Variants in ADCY2 observed in about 807,000 individuals in gnomAD.
ADCY2 encodes the protein adenylate cyclase type 2.
In ADCY2, 31 loss-of-function variants were observed where a neutral mutation model predicts 125.2. The observed-to-expected ratio is 0.25, with a 90% CI of 0.19 to 0.33. ADCY2 has a LOEUF of 0.33. ADCY2 is among the 10% of genes least tolerant of loss of function. The probability of loss-of-function intolerance (pLI) is 1.00; values close to 1 mark genes in which losing one functional copy is unlikely to be tolerated. For synonymous variants in ADCY2, 512 were observed against 548.4 expected, an observed-to-expected ratio of 0.93 and a Z score of 0.93; for missense variants, 904 against 1,418.2, an observed-to-expected ratio of 0.64 and a Z score of 5.82.
intron 4 of ADCY2, among the ~76,000 whole-genome samples, chr5:7,646,832 G>A (rs1738914159): frequency 1.3e-5 from 2 of 152,138 alleles, no homozygotes; most frequent in South Asian, 4.2e-4. Flanking sequence ...CACCAGCAAG[G>A]CATAGGGTGG....
At chr5:7,792,843 T>G (rs1391773948) in intron 20 of ADCY2, among the ~76,000 whole-genome samples, 1 of 152,238 alleles carries the variant, frequency 6.6e-6, no homozygotes, top group Non-Finnish European at 1.5e-5. Context: ...AGAAGCATGG[T>G]GCCTTGCCTT....
chr5:7,567,554 A>T (rs556502338), intron 3 of ADCY2, among the ~76,000 whole-genome samples: 1 of 152,254 alleles, frequency 6.6e-6, no homozygotes, highest in East Asian at 1.9e-4. Context: ...TGTGAAGTAT[A>T]AATTTTTTCT....
chr5:7,780,949 C>T (rs892784559), intron 18 of ADCY2, among the ~76,000 whole-genome samples: 12 of 152,194 alleles, frequency 7.9e-5, no homozygotes, highest in African/African-American at 2.4e-4. Context: ...GGAGGGCCAA[C>T]GGCAGACGCC....
chr5:7,728,154 A>T (rs1473217735), intron 14 of ADCY2, among the ~76,000 whole-genome samples: 1 of 152,022 alleles, frequency 6.6e-6, no homozygotes, highest in Non-Finnish European at 1.5e-5. Context: ...TTTAACTCTC[A>T]TGGTGCAGCC....
intron 22 of ADCY2, among the ~76,000 whole-genome samples, chr5:7,812,932 G>C (rs1744991071): frequency 6.6e-6 from 1 of 152,106 alleles, no homozygotes; most frequent in African/African-American, 2.4e-5. Context: ...AAGAAAGGTA[G>C]GGCGTTATTG....
At chr5:7,757,889 C>T (rs1257680066) in intron 16 of ADCY2, among the ~76,000 whole-genome samples, 1 of 152,204 alleles carries the variant, frequency 6.6e-6, no homozygotes, top group Non-Finnish European at 1.5e-5. Context: ...GGGGTGCTTT[C>T]ACAGAGCCAC....
intron 2 of ADCY2, among the ~76,000 whole-genome samples, chr5:7,423,037 A>G (rs570668613): frequency 2.3e-4 from 35 of 152,342 alleles, no homozygotes; most frequent in Non-Finnish European, 2.9e-4. Context: ...GTGTGCCAGG[A>G]TGATTTTTCA....
intron 2 of ADCY2, among the ~76,000 whole-genome samples, chr5:7,426,694 C>T (rs1030583891): frequency 5.9e-5 from 9 of 152,130 alleles, no homozygotes; most frequent in Non-Finnish European, 1.3e-4. Context: ...AGCTTCAGCA[C>T]CATAAGCATG....
At chr5:7,628,520 C>T (rs936095824) in intron 4 of ADCY2, among the ~76,000 whole-genome samples, 9 of 152,064 alleles carry the variant, frequency 5.9e-5, no homozygotes, top group African/African-American at 1.7e-4. Flanking sequence ...TCATGGGAGA[C>T]ATTAGAAAGA....
chr5:7,499,685 ATATATATGTG>A (rs1347403895), intron 2 of ADCY2, among the ~76,000 whole-genome samples: 11 of 135,028 alleles, frequency 8.1e-5, no homozygotes, highest in African/African-American at 3.4e-4. Context: ...ATATATATGT[ATATATATGTG>A]TATATATATG....
chr5:7,597,457 G>C (rs1181345321), intron 3 of ADCY2, among the ~76,000 whole-genome samples: 1 of 152,184 alleles, frequency 6.6e-6, no homozygotes, highest in Non-Finnish European at 1.5e-5. Flanking sequence ...TTCCCTTCAG[G>C]AGCAGTAGAA....
intron 14 of ADCY2, among the ~76,000 whole-genome samples, chr5:7,741,845 TCATCAC>T (rs1174095026): frequency 2.7e-5 from 4 of 150,564 alleles, no homozygotes; most frequent in East Asian, 2.0e-4. Context: ...CTCATCATCG[TCATCAC>T]CATCACCATC....
chr5:7,742,962 A>T (rs1203277716), intron 14 of ADCY2, among the ~76,000 whole-genome samples: 1 of 152,122 alleles, frequency 6.6e-6, no homozygotes, highest in East Asian at 1.9e-4. Flanking sequence ...CTATCCTTGG[A>T]TTAAACTAAG....
chr5:7,503,325 G>A (rs1743666307), intron 2 of ADCY2, among the ~76,000 whole-genome samples: 1 of 152,094 alleles, frequency 6.6e-6, no homozygotes, highest in African/African-American at 2.4e-5. Flanking sequence ...TAAAATACTT[G>A]GCCATTCAAG....
chr5:7,720,536 A>G (rs1741724336), intron 12 of ADCY2, among the ~76,000 whole-genome samples: 1 of 151,680 alleles, frequency 6.6e-6, no homozygotes, highest in South Asian at 2.1e-4. Context: ...TCCTAATGCT[A>G]TCCTCCCCTC....
rs537419264 is a variant in ADCY2, at chr5:7,406,593, GC to G, written c.211-7978del. Among the ~76,000 whole-genome samples the G allele has an allele frequency of 2.5e-3, 381 of 152,224 alleles. 1 individual carries two copies. Among genetic ancestry groups the G allele is most frequent in the Admixed American group, 4.9e-3 (75 of 15,294 alleles). On this transcript the variant is annotated intron_variant, in intron 1 of 24. Coordinates refer to ENST00000338316, the MANE Select transcript of ADCY2 (RefSeq NM_020546.3). ...GTCCCCTTTTCTTCTGTTTTATGTG[GC>G]CTTTGAATCTTCCCCGGGAGGTCCT...
intron 3 of ADCY2, among the ~76,000 whole-genome samples, 177 bp from the exon 4 acceptor site, chr5:7,625,990 T>G (rs1738107465): frequency 6.6e-6 from 1 of 152,234 alleles, no homozygotes; most frequent in Non-Finnish European, 1.5e-5. Context: ...AGGGCAGAAC[T>G]CTTCTGGAGA....
chr5:7,644,161 CTTTT>C (rs1184958322), intron 4 of ADCY2, among the ~76,000 whole-genome samples: 1 of 152,012 alleles, frequency 6.6e-6, no homozygotes, highest in Non-Finnish European at 1.5e-5. Flanking sequence ...AGTTACTTTT[CTTTT>C]TTGTCTTTCC....
intron 24 of ADCY2, among the ~76,000 whole-genome samples, chr5:7,821,307 A>G (rs1372847866): frequency 6.6e-6 from 1 of 152,252 alleles, no homozygotes; most frequent in Non-Finnish European, 1.5e-5. Flanking sequence ...CAATAGCACT[A>G]ATAATATTGT....
Sources: allele counts gnomAD v4.1 joint callset (sites outside exome capture counted in the v4.1 genomes callset), GRCh38; gene constraint gnomAD v4.1.1; transcripts MANE v1.5; gene names NCBI Gene and HGNC (gene_info 2026-07-23, HGNC 2026-07-21).